Variants in BTG3 observed in about 807,000 individuals in gnomAD.
BTG3 encodes BTG anti-proliferation factor 3, also known as protein BTG3.
In BTG3, 4 loss-of-function variants were observed where a neutral mutation model predicts 25.8. The observed-to-expected ratio is 0.16, with a 90% confidence interval of 0.08 to 0.36. BTG3 has a LOEUF of 0.36. Ranked by LOEUF, BTG3 falls within the 10% of genes least tolerant of loss-of-function variation. The probability of loss-of-function intolerance (pLI) is 1.00; values close to 1 mark genes in which losing one functional copy is unlikely to be tolerated. For missense variants in BTG3, 201 were observed against 304.9 expected, an observed-to-expected ratio of 0.66 and a Z score of 2.54; for synonymous variants, 107 against 99.9, an observed-to-expected ratio of 1.07 and a Z score of -0.42.
rs118094617 is a variant in BTG3 at position 17,601,354 on chromosome 21, G to A, written c.312-2530C>T. Among the ~76,000 whole-genome samples the A allele has an allele frequency of 3.4e-4, 52 of 152,120 alleles. No individual in the cohort carries two copies. The East Asian group carries it at 9.1e-3, about 27-fold the overall frequency. On this transcript the variant is annotated intron_variant, in intron 3 of 4. Transcript: ENST00000348354. ...GTTGATCTACGGCTGGTGACTCTTC[G>A]TAGTATAAAATACCTAAACAGAAGC...
chr21:17,600,864 C>T (rs1191861689), intron 3 of BTG3, among the ~76,000 whole-genome samples: 1 of 151,966 alleles, frequency 6.6e-6, no homozygotes, highest in Non-Finnish European at 1.5e-5. Flanking sequence ...TAGTTTACCT[C>T]ATAAAAGTTG....
intron 3 of BTG3, among the ~76,000 whole-genome samples, chr21:17,600,313 T>C (rs769995410): frequency 5.9e-5 from 9 of 152,174 alleles, no homozygotes; most frequent in Non-Finnish European, 1.2e-4. Context: ...AAGCGGTTCT[T>C]ACAAAACACA....
rs574628649 is a variant in BTG3 at position 17,594,376 on chromosome 21, C to T, written c.520-44G>A. On this transcript the variant is annotated intron_variant, in intron 4 of 4. Transcript: ENST00000348354. Reference sequence around the variant, plus strand: ...ATTAAGTTAATTCAAAGGAAAAAATCATCATCTATGTTCCAGATTTCTCAT... The same window carrying T: ...ATTAAGTTAATTCAAAGGAAAAAATTATCATCTATGTTCCAGATTTCTCAT... 22 of 1,573,504 alleles carry T rather than the reference C, an allele frequency of 1.4e-5. No homozygotes were observed. The South Asian group carries it at 2.1e-4, about 15-fold the overall frequency.
chr21:17,607,725 A>G (rs1262737288), intron 2 of BTG3, among the ~76,000 whole-genome samples: 1 of 152,224 alleles, frequency 6.6e-6, no homozygotes, highest in Admixed American at 6.5e-5. Flanking sequence ...GGACATCAAT[A>G]TACACAAATA....
At chr21:17,611,950 G>A (rs989994868) in intron 1 of BTG3, 3 of 152,258 alleles carry the variant, frequency 2.0e-5, no homozygotes, top group African/African-American at 7.2e-5. Context: ...TGGCCCGTGG[G>A]GTGAGGAGCC....
At chr21:17,608,836 A>G in intron 2 of BTG3, 136 bp downstream of exon 2, 1 of 852,522 alleles carries the variant, frequency 1.2e-6, no homozygotes, top group Non-Finnish European at 1.7e-6. Context: ...TAAGGAGAAA[A>G]TATACAAACA....
At chr21:17,601,588 T>C (rs1035403308) in intron 3 of BTG3, among the ~76,000 whole-genome samples, 4 of 152,258 alleles carry the variant, frequency 2.6e-5, no homozygotes, top group East Asian at 1.9e-4. Flanking sequence ...AACATAAAAT[T>C]TGTGTTCTCT....
At chr21:17,604,445 CA>C (rs997982877) in intron 3 of BTG3, among the ~76,000 whole-genome samples, 2 of 148,682 alleles carry the variant, frequency 1.3e-5, no homozygotes, top group African/African-American at 2.5e-5. Context: ...AACTCCGTCC[CA>C]AAAAAAAAGA....
chr21:17,608,083 T>G (rs1285413453), intron 2 of BTG3, among the ~76,000 whole-genome samples: 4 of 152,132 alleles, frequency 2.6e-5, no homozygotes, highest in Admixed American at 2.0e-4. Flanking sequence ...TCCCAGAACC[T>G]TGGCCAGGCA....
At chr21:17,607,275 T>C (rs1242028006) in intron 2 of BTG3, among the ~76,000 whole-genome samples, 1 of 152,202 alleles carries the variant, frequency 6.6e-6, no homozygotes, top group Non-Finnish European at 1.5e-5. Context: ...AGTAATAGTA[T>C]GGTGGCTTGG....
At chr21:17,598,563 A>T in intron 4 of BTG3, 54 bp downstream of exon 4, 1 of 1,481,776 alleles carries the variant, frequency 6.7e-7, no homozygotes, top group East Asian at 2.3e-5. Context: ...ACTACCTGAA[A>T]GGTCCTGGCA....
At chr21:17,600,454 G>A (rs996934319) in intron 3 of BTG3, among the ~76,000 whole-genome samples, 23 of 152,118 alleles carry the variant, frequency 1.5e-4, no homozygotes, top group Admixed American at 1.0e-3. Context: ...GATAGCACTC[G>A]TCTCAAATTA....
At chr21:17,594,477 A>G (rs772358756) in intron 4 of BTG3, 145 bp from the exon 5 acceptor site, 91 of 952,418 alleles carry the variant, frequency 9.6e-5, no homozygotes, top group East Asian at 1.6e-4. Context: ...TAAATACATT[A>G]AAAACCTCAT....
chr21:17,600,933 G>A (rs559617605), intron 3 of BTG3, among the ~76,000 whole-genome samples: 14 of 152,344 alleles, frequency 9.2e-5, no homozygotes, highest in Non-Finnish European at 1.6e-4. Flanking sequence ...GGAGGCCAAG[G>A]CGGGTGGATC....
intron 3 of BTG3, 49 bp from the exon 4 acceptor site, chr21:17,598,873 G>A (rs1452834994): frequency 2.1e-6 from 3 of 1,460,376 alleles, no homozygotes; most frequent in Admixed American, 4.2e-5. Flanking sequence ...CATCAGCAAA[G>A]CAAAAAATGT....
chr21:17,594,437 A>C, intron 4 of BTG3, 105 bp from the exon 5 acceptor site: 12 of 1,289,088 alleles, frequency 9.3e-6, no homozygotes, highest in African/African-American at 1.5e-5. Flanking sequence ...CACTGAGATC[A>C]CATCTAAGTG....
intron 4 of BTG3, among the ~76,000 whole-genome samples, chr21:17,598,020 TC>T (rs1691779043): frequency 6.6e-6 from 1 of 152,192 alleles, no homozygotes; most frequent in African/African-American, 2.4e-5. Flanking sequence ...CTTTAAAATA[TC>T]TTTCCTGTTG....
At chr21:17,604,471 T>G (rs2061613994) in intron 3 of BTG3, among the ~76,000 whole-genome samples, 1 of 151,916 alleles carries the variant, frequency 6.6e-6, no homozygotes, top group African/African-American at 2.4e-5. Context: ...AGAGGGAGAA[T>G]AAACAGAAAC....
Position 17,609,297 on chromosome 21 carries a change from G to A in BTG3, c.-8-145C>T. 2 of 757,862 alleles carry A rather than the reference G, an allele frequency of 2.6e-6. 1 individual carries two copies. Among genetic ancestry groups the A allele is most frequent in the South Asian group, 4.2e-5 (2 of 47,968 alleles). The allele number at this position is 757,862 out of a possible 1,614,324, so 46.9% of individuals were successfully genotyped here. A position where few individuals can be genotyped will look rare whatever the true frequency, so the allele number is the denominator to read the frequency against. On this transcript the variant is annotated intron_variant, in intron 1 of 4. Transcript: ENST00000348354. Reference sequence around the variant, plus strand: ...TTCTTTGGCTTATATCTGAAGTAGAGAACAATCTACTTATCTTTATGCCAT... The same window carrying A: ...TTCTTTGGCTTATATCTGAAGTAGAAAACAATCTACTTATCTTTATGCCAT...
Sources: gnomAD v4.1 joint callset for allele counts (sites outside exome capture counted in the v4.1 genomes callset) on GRCh38, gnomAD v4.1.1 for gene constraint, MANE v1.5 for transcripts, NCBI Gene and HGNC (gene_info 2026-07-23, HGNC 2026-07-21) for gene names.